The following ERI1 variants were observed in gnomAD, a reference collection of about 807,000 sequenced individuals.
ERI1 encodes 3'-5' exoribonuclease 1.
A neutral mutation model predicts 39.7 loss-of-function variants in ERI1; 39 were observed. The observed-to-expected ratio is 0.98, with a 90% CI of 0.76 to 1.28. ERI1 has a LOEUF of 1.28. Ranked by LOEUF, ERI1 falls within the 50% of genes most tolerant of loss-of-function variation. The pLI is 0.00. For missense variants in ERI1, 581 were observed against 416.9 expected, an observed-to-expected ratio of 1.39 and a Z score of -3.43; for synonymous variants, 204 against 149.6, an observed-to-expected ratio of 1.36 and a Z score of -2.65.
rs140350367 is a variant in ERI1, at chr8:9,084,900, G to A, written n.300-31448G>A. Among the ~76,000 whole-genome samples, 210 of 152,300 alleles carry A rather than the reference G, an allele frequency of 1.4e-3. 1 individual carries two copies. The highest frequency in any genetic ancestry group is 5.8e-3 in the Admixed American group (88 of 15,300). ...GCTCAGGAGAAAAATGTTGTGATTT[G>A]TATGAATATGATGATTTATTAAGTA... On this transcript the variant is annotated intron_variant and non_coding_transcript_variant, in intron 3 of 3. Transcript: ENST00000518663.
At chr8:9,058,433 C>G in intron 3 of ERI1, among the ~76,000 whole-genome samples, 1 of 152,080 alleles carries the variant, frequency 6.6e-6, no homozygotes, top group Non-Finnish European at 1.5e-5. Context: ...ATAACTAATC[C>G]CTGCCGTGAG....
intron 3 of ERI1, among the ~76,000 whole-genome samples, chr8:9,079,258 G>A (rs974345106): frequency 6.6e-6 from 1 of 152,224 alleles, no homozygotes; most frequent in African/African-American, 2.4e-5. Context: ...GTTGAGAGCA[G>A]AAGATGAAGC....
At chr8:9,075,846 C>T (rs999531982) in intron 3 of ERI1, among the ~76,000 whole-genome samples, 1 of 152,174 alleles carries the variant, frequency 6.6e-6, no homozygotes, top group Admixed American at 6.5e-5. Flanking sequence ...GCCATATGCC[C>T]AGGCTGGTTT....
In ERI1 at chr8:9,070,769, T is replaced by G. The variant is rs1024653346; in HGVS notation, n.300-45579T>G. Among the ~76,000 whole-genome samples the G allele has an allele frequency of 9.8e-5, 15 of 152,342 alleles. No homozygotes were observed. The East Asian group carries it at 2.9e-3, about 29-fold the overall frequency. On this transcript the variant is annotated intron_variant and non_coding_transcript_variant, in intron 3 of 3. Transcript: ENST00000518663. The stretch of plus-strand genomic sequence containing the variant: ...CAAGTCGCATGTCTGTGGATCAAAG[T>G]AAAAATTTAAAAATAATTTTTACTA...
At chr8:9,062,140 G>A (rs1798720179) in intron 3 of ERI1, among the ~76,000 whole-genome samples, 1 of 152,154 alleles carries the variant, frequency 6.6e-6, no homozygotes, top group African/African-American at 2.4e-5. Context: ...GCAGGTGAGG[G>A]AAAACAGGCT....
chr8:9,003,163 A>G lies in ERI1; in HGVS notation c.100A>G (p.Ser34Gly). The G allele has an allele frequency of 8.0e-7, 1 of 1,242,678 alleles. No individual in the cohort carries two copies. 77.0% of individuals were successfully genotyped at this position (1,242,678 alleles called of 1,614,324 possible). ...GGGCGGGGAGGAGCCGCCGCGTCCC[A>G]GTCCCGAGGTGAGGAGTCGACCCGC... is the stretch of plus-strand genomic sequence containing the variant. ...PEGGEEPPRPSPEETQQCKFD... is the reference protein window; with the variant it reads ...PEGGEEPPRPGPEETQQCKFD... Residue 34 changes from serine to glycine, a missense_variant, in exon 1 of 7, where the codon AGT (serine) becomes GGT (glycine). Transcript: ENST00000250263.
At chr8:9,042,126 G>A (rs184675069) in intron 3 of ERI1, among the ~76,000 whole-genome samples, 1 of 152,304 alleles carries the variant, frequency 6.6e-6, no homozygotes, top group Non-Finnish European at 1.5e-5. Context: ...GAAATTAGAT[G>A]TAGTAGAATA....
intron 2 of ERI1, among the ~76,000 whole-genome samples, chr8:9,011,301 A>C (rs980963909): frequency 3.3e-5 from 5 of 152,204 alleles, no homozygotes; most frequent in African/African-American, 1.2e-4. Context: ...AAATACTGTT[A>C]TATACTACTA....
At chr8:9,039,695 A>G (rs930504025) in intron 3 of ERI1, among the ~76,000 whole-genome samples, 1 of 152,228 alleles carries the variant, frequency 6.6e-6, no homozygotes, top group Non-Finnish European at 1.5e-5. Flanking sequence ...AAAATTCTTT[A>G]GTGTTAATAA....
chr8:9,003,999 T>G, intron 1 of ERI1: 1 of 1,014,438 alleles, frequency 9.9e-7, no homozygotes, highest in Non-Finnish European at 1.4e-6. Flanking sequence ...CACTTCCATT[T>G]GCTGCTCTGC....
intron 3 of ERI1, among the ~76,000 whole-genome samples, chr8:9,052,644 A>G (rs1585263771): frequency 6.6e-6 from 1 of 152,356 alleles, no homozygotes; most frequent in Middle Eastern, 3.4e-3. Flanking sequence ...ACTTCAGGAT[A>G]CATTTAGGGA....
Position 9,016,371 on chromosome 8 carries a change from C to G in ERI1, c.548C>G (p.Ser183Cys), listed in dbSNP as rs1415345154. Residue 183 changes from serine (S) to cysteine (C), a missense_variant, in exon 4 of 7, where the codon TCT (serine) becomes TGT (cysteine). Physicochemically the swap from Ser to Cys is moderately radical, Grantham distance 112 (BLOSUM62 -1). Coordinates refer to ENST00000250263, the MANE Select transcript of ERI1 (RefSeq NM_153332.4). ...AGACCAGAGATTAACACACAGCTGT[C>G]TGATTTCTGCATCAGTCTAACTGGA... ...YVRPEINTQL[S>C]DFCISLTGIT... 6.2e-7 allele frequency: 1 copy of G among 1,607,696 alleles called. No homozygotes were observed. The highest frequency in any genetic ancestry group is 8.5e-7 in the Non-Finnish European group (1 of 1,176,662).
intron 1 of ERI1, 77 bp from the exon 2 acceptor site, chr8:9,007,893 A>C: frequency 6.7e-7 from 1 of 1,500,984 alleles, no homozygotes; most frequent in Non-Finnish European, 8.8e-7. Flanking sequence ...GAAAGTTTGA[A>C]TCTTTAAATC....
chr8:9,066,285 G>C (rs1798876767), intron 3 of ERI1, among the ~76,000 whole-genome samples: 1 of 152,080 alleles, frequency 6.6e-6, no homozygotes, highest in South Asian at 2.1e-4. Context: ...TGCACAACTT[G>C]TTTCTTCTCC....
chr8:9,093,239 T>A (rs969874573), intron 3 of ERI1, among the ~76,000 whole-genome samples: 2 of 152,174 alleles, frequency 1.3e-5, no homozygotes, highest in Non-Finnish European at 2.9e-5. Context: ...CTAACACTAA[T>A]GAAAGCTGAT....
chr8:9,013,297 G>C (rs1311099615), intron 3 of ERI1, among the ~76,000 whole-genome samples: 1 of 146,518 alleles, frequency 6.8e-6, no homozygotes, highest in Admixed American at 7.0e-5. Flanking sequence ...TTACAGGCGT[G>C]AGCCACCATG....
chr8:9,023,461 C>G (rs1158290591), intron 6 of ERI1, among the ~76,000 whole-genome samples: 1 of 152,064 alleles, frequency 6.6e-6, no homozygotes, highest in Admixed American at 6.5e-5. Context: ...CTACAGCTCA[C>G]AGTATATTAG....
At chr8:9,095,841 C>T (rs1032425398) in intron 3 of ERI1, among the ~76,000 whole-genome samples, 2 of 152,022 alleles carry the variant, frequency 1.3e-5, no homozygotes, top group Non-Finnish European at 2.9e-5. Context: ...GAAGTTTGCT[C>T]TGTGTTTAAG....
chr8:9,038,462 A>G (rs560391030), intron 3 of ERI1, among the ~76,000 whole-genome samples: 2 of 152,356 alleles, frequency 1.3e-5, no homozygotes, highest in East Asian at 3.9e-4. Flanking sequence ...GTGTATATAC[A>G]TTTAAAATTA....
Sources: gnomAD v4.1 joint callset for allele counts (sites outside exome capture counted in the v4.1 genomes callset) on GRCh38, gnomAD v4.1.1 for gene constraint, MANE v1.5 for transcripts, NCBI Gene and HGNC (gene_info 2026-07-23, HGNC 2026-07-21) for gene names.